Variants in HSD17B12 observed in about 807,000 individuals in gnomAD.
HSD17B12 encodes hydroxysteroid 17-beta dehydrogenase 12.
A neutral mutation model predicts 39.3 loss-of-function variants in HSD17B12; 32 were observed. The ratio of observed to expected loss-of-function variants is 0.81; its 90% CI spans 0.61 to 1.09. The LOEUF is 1.09. Ranked by LOEUF, HSD17B12 falls within the 50% of genes least tolerant of loss-of-function variation. HSD17B12 has a pLI of 0.00. For missense variants in HSD17B12, 342 were observed against 382.9 expected, an observed-to-expected ratio of 0.89 and a Z score of 0.89; for synonymous variants, 150 against 146.7, an observed-to-expected ratio of 1.02 and a Z score of -0.16.
chr11:43,828,589 C>CT (rs1460523624), intron 6 of HSD17B12, among the ~76,000 whole-genome samples: 1 of 151,608 alleles, frequency 6.6e-6, no homozygotes. Flanking sequence ...TTATGGTAAC[C>CT]TTTTTTTAGA....
chr11:43,767,255 T>C (rs1460707456), intron 3 of HSD17B12, among the ~76,000 whole-genome samples: 1 of 152,176 alleles, frequency 6.6e-6, no homozygotes, highest in Non-Finnish European at 1.5e-5. Flanking sequence ...CAAGGTGTTA[T>C]TAAATGAGTA....
the HSD17B12 span, among the ~76,000 whole-genome samples, chr11:43,603,031 T>C: frequency 4.6e-3 from 700 of 152,308 alleles, 2 homozygotes; most frequent in African/African-American, 0.016. Context: ...GATGTGAGAT[T>C]GTGCTCCATT....
In HSD17B12 at chr11:43,839,901, G is replaced by A. The variant is rs146087270; in HGVS notation, c.619-98G>A. ...ATGAAAAAAATGATGAGAAATTATA[G>A]CATTAAATGATTAGTTTATTATTTT... On this transcript the variant is annotated intron_variant, in intron 8 of 10. Transcript: ENST00000278353. 1.4e-4 allele frequency: 135 copies of A among 959,156 alleles called. No individual in the cohort carries two copies. In the East Asian group the frequency reaches 3.2e-3, roughly 23 times the overall value. The allele number at this position is 959,156 out of a possible 1,614,324, so 59.4% of individuals were successfully genotyped here. A position where few individuals can be genotyped will look rare whatever the true frequency, so the allele number is the denominator to read the frequency against.
chr11:43,614,575 C>A, the HSD17B12 span, among the ~76,000 whole-genome samples: 8 of 152,000 alleles, frequency 5.3e-5, no homozygotes, highest in Admixed American at 5.3e-4. Flanking sequence ...GTGGGTTGAT[C>A]TTTTTCATAA....
At chr11:43,762,395 A>G (rs1352335375) in intron 3 of HSD17B12, among the ~76,000 whole-genome samples, 1 of 152,246 alleles carries the variant, frequency 6.6e-6, no homozygotes, top group Non-Finnish European at 1.5e-5. Flanking sequence ...AGCCTGACTT[A>G]CACTGAGAAT....
chr11:43,718,400 GC>G (rs993300277), intron 1 of HSD17B12, among the ~76,000 whole-genome samples: 1 of 152,144 alleles, frequency 6.6e-6, no homozygotes, highest in Admixed American at 6.5e-5. Flanking sequence ...AAGTCCAGAT[GC>G]ATATGAGATT....
At chr11:43,591,274 T>C in the HSD17B12 span, among the ~76,000 whole-genome samples, 2 of 152,332 alleles carry the variant, frequency 1.3e-5, no homozygotes, top group African/African-American at 4.8e-5. Context: ...GCAAACATTT[T>C]AGGCCATAAT....
intron 1 of HSD17B12, 64 bp downstream of exon 1, chr11:43,681,051 T>G: frequency 6.7e-7 from 1 of 1,483,806 alleles, no homozygotes. Context: ...TGGGCCGTGA[T>G]GACTAGTTCT....
At chr11:43,824,798 C>G (rs1244868404) in intron 6 of HSD17B12, among the ~76,000 whole-genome samples, 1 of 152,268 alleles carries the variant, frequency 6.6e-6, no homozygotes, top group Non-Finnish European at 1.5e-5. Flanking sequence ...GAGTTCAAGA[C>G]CAGCCTGGCC....
At chr11:43,811,831 A>G (rs1270113926) in intron 4 of HSD17B12, among the ~76,000 whole-genome samples, 4 of 151,968 alleles carry the variant, frequency 2.6e-5, no homozygotes, top group South Asian at 2.1e-4. Context: ...CTATCTAACT[A>G]TATGTACCCA....
At chr11:43,619,241 AT>A in the HSD17B12 span, among the ~76,000 whole-genome samples, 5,583 of 46,126 alleles carry the variant, frequency 0.12, 318 homozygotes, top group East Asian at 0.16. Context: ...ATATATATAT[AT>A]AAAATATATA....
the HSD17B12 span, among the ~76,000 whole-genome samples, chr11:43,563,029 C>A: frequency 6.6e-6 from 1 of 152,172 alleles, no homozygotes; most frequent in Non-Finnish European, 1.5e-5. Flanking sequence ...CTGTGAGAGC[C>A]CCTCAGTGAT....
the HSD17B12 span, among the ~76,000 whole-genome samples, chr11:43,668,102 TTGCTGTTACAAATTAC>T: frequency 2.0e-5 from 3 of 152,216 alleles, no homozygotes; most frequent in Non-Finnish European, 4.4e-5. Context: ...TTTTCAATTG[TTGCTGTTACAAATTAC>T]TGCAGATTAG....
At chr11:43,790,983 G>T (rs1275719891) in intron 3 of HSD17B12, among the ~76,000 whole-genome samples, 1 of 151,942 alleles carries the variant, frequency 6.6e-6, no homozygotes, top group Admixed American at 6.6e-5. Flanking sequence ...AACAAAAGCG[G>T]AACTCCATCT....
chr11:43,855,015 G>A (rs1951569222), intron 10 of HSD17B12, 129 bp from the exon 11 acceptor site: 9 of 1,044,540 alleles, frequency 8.6e-6, no homozygotes, highest in South Asian at 5.0e-5. Context: ...TATAATGGTC[G>A]TATACCCAAG....
chr11:43,846,102 G>A (rs10742690), intron 9 of HSD17B12, among the ~76,000 whole-genome samples: 95,545 of 152,102 alleles, frequency 0.63, 30,582 homozygotes, highest in East Asian at 0.71. Flanking sequence ...ACCAAGGTTT[G>A]AGTTCTGCCT....
At chr11:43,668,792 T>C in the HSD17B12 span, among the ~76,000 whole-genome samples, 1 of 151,910 alleles carries the variant, frequency 6.6e-6, no homozygotes, top group Non-Finnish European at 1.5e-5. Flanking sequence ...AGCATCAAAC[T>C]CCTGGCTCAG....
chr11:43,578,697 G>A, the HSD17B12 span, among the ~76,000 whole-genome samples: 1 of 152,008 alleles, frequency 6.6e-6, no homozygotes, highest in Non-Finnish European at 1.5e-5. Flanking sequence ...GGAAATAGGG[G>A]TGGGGGGAGC....
the HSD17B12 span, among the ~76,000 whole-genome samples, chr11:43,675,496 C>T: frequency 6.6e-6 from 1 of 151,912 alleles, no homozygotes; most frequent in East Asian, 1.9e-4. Context: ...AGAGGGTGGT[C>T]CGTGTTGCCG....
Sources: gnomAD v4.1 joint callset for allele counts (sites outside exome capture counted in the v4.1 genomes callset) on GRCh38, gnomAD v4.1.1 for gene constraint, MANE v1.5 for transcripts, NCBI Gene and HGNC (gene_info 2026-07-23, HGNC 2026-07-21) for gene names.